CACNA2D3: variants seen among roughly 807,000 people sequenced by gnomAD.
CACNA2D3 encodes voltage-dependent calcium channel subunit alpha-2/delta-3.
CACNA2D3 carries 60 observed loss-of-function variants against 160.6 expected under a neutral mutation model. That is an observed-to-expected ratio of 0.37 (90% CI 0.30 to 0.46). CACNA2D3 has a LOEUF of 0.46. Among genes scored for constraint, CACNA2D3 ranks in the 20% least tolerant of loss-of-function variants. The pLI, the probability that CACNA2D3 is intolerant of heterozygous loss-of-function variation, is 1.00. For synonymous variants in CACNA2D3, 558 were observed against 492.9 expected (o/e 1.13, Z -1.75); for missense variants, 1,205 against 1,365.0 (o/e 0.88, Z 1.85).
intron 27 of CACNA2D3, 76 bp from the exon 28 acceptor site, chr3:54,968,374 A>T: frequency 2.1e-6 from 2 of 961,846 alleles, no homozygotes; most frequent in Non-Finnish European, 3.3e-6. Flanking sequence ...GCCATGACGG[A>T]TAATTTTCAA....
At chr3:54,416,497 C>T (rs1699756493) in intron 4 of CACNA2D3, among the ~76,000 whole-genome samples, 1 of 152,150 alleles carries the variant, frequency 6.6e-6, no homozygotes, top group Non-Finnish European at 1.5e-5. Context: ...TTAAAAGCCA[C>T]AGGTGATTGG....
intron 2 of CACNA2D3, among the ~76,000 whole-genome samples, chr3:54,141,082 TGTGTGCGCGC>T (rs1401722788): frequency 1.8e-5 from 2 of 112,598 alleles, no homozygotes; most frequent in Non-Finnish European, 3.6e-5. Context: ...TGTGTGTGTG[TGTGTGCGCGC>T]GCGCGCGTGT....
At chr3:54,172,094 G>A (rs1022404893) in intron 2 of CACNA2D3, among the ~76,000 whole-genome samples, 1 of 152,182 alleles carries the variant, frequency 6.6e-6, no homozygotes, top group African/African-American at 2.4e-5. Flanking sequence ...ACAGAAGAGC[G>A]GTCCTTTGCG....
chr3:54,350,991 T>TTTTTTTTTTTTTTTTTTTTTTTTTTTTTG (rs1698551366), intron 3 of CACNA2D3, among the ~76,000 whole-genome samples: 1 of 100,060 alleles, frequency 1.0e-5, no homozygotes, highest in Non-Finnish European at 2.1e-5. Flanking sequence ...TGTTTGTTTT[T>TTTTTTTTTTTTTTTTTTTTTTTTTTTTTG]TTTTTTTTTT....
chr3:54,677,539 A>G (rs1700264219), intron 11 of CACNA2D3, among the ~76,000 whole-genome samples: 1 of 151,812 alleles, frequency 6.6e-6, no homozygotes, highest in Non-Finnish European at 1.5e-5. Context: ...GATTATGGAT[A>G]TATAGAGTGA....
chr3:54,677,321 G>C (rs1352774248), intron 11 of CACNA2D3, among the ~76,000 whole-genome samples: 1 of 152,174 alleles, frequency 6.6e-6, no homozygotes, highest in Non-Finnish European at 1.5e-5. Context: ...GCAGACCTGA[G>C]CATATGTGAT....
At chr3:54,535,857 G>A (rs576573906) in intron 5 of CACNA2D3, among the ~76,000 whole-genome samples, 1 of 152,334 alleles carries the variant, frequency 6.6e-6, no homozygotes, top group East Asian at 1.9e-4. Context: ...TGTGACTAGA[G>A]CCTGTGCTGG....
intron 11 of CACNA2D3, among the ~76,000 whole-genome samples, chr3:54,739,425 C>CA (rs780105524): frequency 0.029 from 2,496 of 85,096 alleles, 86 homozygotes; most frequent in African/African-American, 0.091. Context: ...GACTCTGTCT[C>CA]AAAAAAAAAA....
chr3:54,943,164 T>C (rs1701519460), intron 27 of CACNA2D3, among the ~76,000 whole-genome samples: 1 of 151,258 alleles, frequency 6.6e-6, no homozygotes, highest in African/African-American at 2.4e-5. Context: ...ATCATGCCAC[T>C]TCACTCCAGC....
At chr3:55,000,930 G>A (rs2107132203) in intron 31 of CACNA2D3, among the ~76,000 whole-genome samples, 1 of 152,302 alleles carries the variant, frequency 6.6e-6, no homozygotes, top group Admixed American at 6.5e-5. Context: ...AGAGCAAAAG[G>A]TGGTGGATTC....
At chr3:54,851,836 A>AG (rs1699063902) in intron 17 of CACNA2D3, among the ~76,000 whole-genome samples, 1 of 152,244 alleles carries the variant, frequency 6.6e-6, no homozygotes, top group South Asian at 2.1e-4. Flanking sequence ...GTGATATTTT[A>AG]CATTCTTTTC....
chr3:54,310,782 T>C (rs1703721880), intron 2 of CACNA2D3, among the ~76,000 whole-genome samples: 1 of 152,256 alleles, frequency 6.6e-6, no homozygotes, highest in African/African-American at 2.4e-5. Flanking sequence ...TTTTACTCTG[T>C]GTTCAGCACT....
At chr3:54,791,000 G>A (rs928322615) in intron 13 of CACNA2D3, among the ~76,000 whole-genome samples, 1 of 151,716 alleles carries the variant, frequency 6.6e-6, no homozygotes, top group African/African-American at 2.4e-5. Flanking sequence ...TTGGCCTATC[G>A]GTACTTCATT....
At chr3:54,191,397 A>ACATCATCATCATCATCAT (rs10533577) in intron 2 of CACNA2D3, among the ~76,000 whole-genome samples, 83 of 150,020 alleles carry the variant, frequency 5.5e-4, no homozygotes, top group Admixed American at 1.5e-3. Context: ...TAAAACATCA[A>ACATCATCATCATCATCAT]CATCATCATC....
intron 13 of CACNA2D3, among the ~76,000 whole-genome samples, chr3:54,816,574 C>G (rs1575492392): frequency 6.6e-6 from 1 of 152,146 alleles, no homozygotes; most frequent in Non-Finnish European, 1.5e-5. Flanking sequence ...TCGGTTCCAG[C>G]TTTATAGGAG....
chr3:54,968,432 AT>A lies in CACNA2D3; in HGVS notation c.2450-15del. 6.3e-7 allele frequency: 1 copy of A among 1,578,950 alleles called. No individual in the cohort carries two copies. The stretch of plus-strand genomic sequence containing the variant: ...AAAGGGATCACTAATGCCTTGTTTT[AT>A]TTATAATTTGTCCCAGCTGTAGGCA... On this transcript the variant is annotated splice_polypyrimidine_tract_variant and intron_variant, in intron 27 of 37. Coordinates refer to ENST00000474759, the MANE Select transcript of CACNA2D3 (RefSeq NM_018398.3).
chr3:54,834,724 A>C (rs1334905451), intron 14 of CACNA2D3, among the ~76,000 whole-genome samples: 1 of 152,240 alleles, frequency 6.6e-6, no homozygotes, highest in Admixed American at 6.5e-5. Context: ...CTATAGAGCT[A>C]GAGATAGGCT....
chr3:54,438,289 A>G (rs919835556), intron 4 of CACNA2D3, among the ~76,000 whole-genome samples: 2 of 152,226 alleles, frequency 1.3e-5, no homozygotes, highest in East Asian at 1.9e-4. Flanking sequence ...ATATAATTAC[A>G]TAGTGAAATA....
intron 4 of CACNA2D3, among the ~76,000 whole-genome samples, chr3:54,425,236 G>T (rs1699894657): frequency 6.6e-6 from 1 of 152,194 alleles, no homozygotes; most frequent in Non-Finnish European, 1.5e-5. Flanking sequence ...GGAAGCTTAG[G>T]CAGGAGAATA....
Sources: gnomAD v4.1 joint callset for allele counts (sites outside exome capture counted in the v4.1 genomes callset) on GRCh38, gnomAD v4.1.1 for gene constraint, MANE v1.5 for transcripts, NCBI Gene and HGNC (gene_info 2026-07-23, HGNC 2026-07-21) for gene names.